MCC: variants seen among roughly 807,000 people sequenced by gnomAD.
MCC encodes the protein colorectal mutant cancer protein.
MCC carries 90 observed loss-of-function variants against 116.2 expected under a neutral mutation model. The ratio of observed to expected loss-of-function variants is 0.77; its 90% CI spans 0.65 to 0.92. The LOEUF (loss-of-function observed/expected upper bound fraction) is 0.92. Among genes scored for constraint, MCC ranks in the 40% least tolerant of loss-of-function variants. MCC has a pLI of 0.00. For synonymous variants in MCC, 578 were observed against 510.5 expected (o/e 1.13, Z -1.78); for missense variants, 1,516 against 1,312.2 (o/e 1.16, Z -2.40).
chr5:113,258,515 T>A (rs1399938352), intron 3 of MCC, among the ~76,000 whole-genome samples: 1 of 152,228 alleles, frequency 6.6e-6, no homozygotes, highest in Non-Finnish European at 1.5e-5. Flanking sequence ...AACCCTATTG[T>A]AAACTGCACT....
intron 3 of MCC, among the ~76,000 whole-genome samples, chr5:113,232,426 G>C (rs796220299): frequency 2.1e-4 from 32 of 152,278 alleles, no homozygotes; most frequent in African/African-American, 7.7e-4. Flanking sequence ...AACAGGCCAT[G>C]TGAGTCAACA....
At chr5:113,370,439 G>A (rs1479221834) in intron 2 of MCC, among the ~76,000 whole-genome samples, 1 of 152,194 alleles carries the variant, frequency 6.6e-6, no homozygotes, top group African/African-American at 2.4e-5. Context: ...ATAATAAGGA[G>A]TATCAGAAGT....
chr5:113,359,118 C>A (rs1768483524), intron 2 of MCC, among the ~76,000 whole-genome samples: 1 of 152,114 alleles, frequency 6.6e-6, no homozygotes, highest in African/African-American at 2.4e-5. Context: ...TGTCTGTCTT[C>A]AGGAAGTGAG....
At chr5:113,062,396 T>C (rs1056828275) in intron 14 of MCC, among the ~76,000 whole-genome samples, 9 of 152,212 alleles carry the variant, frequency 5.9e-5, no homozygotes, top group Non-Finnish European at 1.3e-4. Context: ...TGGTTCTAAA[T>C]TTGTCTCTGA....
intron 1 of MCC, among the ~76,000 whole-genome samples, chr5:113,481,630 T>G (rs1160797887): frequency 1.3e-5 from 2 of 151,996 alleles, no homozygotes; most frequent in Admixed American, 6.6e-5. Context: ...TCCCAGCTAC[T>G]CAGGAGGCTG....
chr5:113,184,452 G>A (rs1389398082), intron 3 of MCC, among the ~76,000 whole-genome samples: 2 of 149,626 alleles, frequency 1.3e-5, no homozygotes, highest in African/African-American at 4.9e-5. Flanking sequence ...TTCCCACATA[G>A]CAATTTAGTT....
intron 2 of MCC, among the ~76,000 whole-genome samples, chr5:113,375,067 A>G (rs1728377078): frequency 6.6e-6 from 1 of 151,656 alleles, no homozygotes; most frequent in African/African-American, 2.4e-5. Flanking sequence ...AACCACAGCT[A>G]TGTACTCCCT....
chr5:113,243,845 TA>T (rs1764475256), intron 3 of MCC, among the ~76,000 whole-genome samples: 1 of 152,242 alleles, frequency 6.6e-6, no homozygotes, highest in Non-Finnish European at 1.5e-5. Flanking sequence ...TGGCAGTTCT[TA>T]GCACACCTAG....
At chr5:113,328,405 A>G (rs1767618877) in intron 3 of MCC, among the ~76,000 whole-genome samples, 1 of 152,232 alleles carries the variant, frequency 6.6e-6, no homozygotes, top group South Asian at 2.1e-4. Flanking sequence ...CAAGTGGGAC[A>G]GGGCTAGGGA....
At chr5:113,333,987 G>A (rs1767810354) in intron 3 of MCC, among the ~76,000 whole-genome samples, 1 of 144,080 alleles carries the variant, frequency 6.9e-6, no homozygotes. Context: ...TTTCTGTTAT[G>A]CACATGGCTT....
chr5:113,064,317 T>C, intron 13 of MCC, 150 bp from the exon 14 acceptor site: 1 of 688,720 alleles, frequency 1.5e-6, no homozygotes, highest in East Asian at 2.7e-5. Context: ...AAGATCTGTG[T>C]TCTGGGCCTG....
intron 3 of MCC, among the ~76,000 whole-genome samples, chr5:113,282,842 A>T (rs987353396): frequency 2.0e-5 from 3 of 152,240 alleles, no homozygotes; most frequent in Non-Finnish European, 4.4e-5. Flanking sequence ...AGAGTTACCT[A>T]ATCTAACAGA....
At chr5:113,412,876 T>C (rs1770032170) in intron 1 of MCC, among the ~76,000 whole-genome samples, 1 of 152,212 alleles carries the variant, frequency 6.6e-6, no homozygotes, top group Non-Finnish European at 1.5e-5. Flanking sequence ...GCTTCCAGGT[T>C]TGTCCATTCA....
intron 3 of MCC, among the ~76,000 whole-genome samples, chr5:113,317,614 A>G (rs149117650): frequency 1.0e-3 from 158 of 152,274 alleles, no homozygotes; most frequent in African/African-American, 3.6e-3. Context: ...AGCTGTCATG[A>G]TGTATGACAC....
At chr5:113,465,941 A>AT (rs200365462) in intron 1 of MCC, among the ~76,000 whole-genome samples, 164 of 143,968 alleles carry the variant, frequency 1.1e-3, no homozygotes, top group Middle Eastern at 7.2e-3. Context: ...ATTAACCCAC[A>AT]TTTTTTTTTT....
At chr5:113,136,982 T>G (rs989444941) in intron 5 of MCC, among the ~76,000 whole-genome samples, 1 of 152,196 alleles carries the variant, frequency 6.6e-6, no homozygotes, top group African/African-American at 2.4e-5. Flanking sequence ...ACTATGATAT[T>G]AGCCATGGGT....
intron 3 of MCC, among the ~76,000 whole-genome samples, chr5:113,168,935 C>A (rs1760920405): frequency 6.6e-6 from 1 of 152,164 alleles, no homozygotes; most frequent in African/African-American, 2.4e-5. Context: ...TCCACCAACT[C>A]TCTTGCAGGC....
intron 3 of MCC, among the ~76,000 whole-genome samples, chr5:113,164,125 A>C (rs1412079728): frequency 6.6e-6 from 1 of 152,172 alleles, no homozygotes; most frequent in Non-Finnish European, 1.5e-5. Flanking sequence ...GGATTTTCCA[A>C]ATCTAGGAGT....
chr5:113,303,995 AC>A (rs1428906265), intron 3 of MCC, among the ~76,000 whole-genome samples: 1 of 152,146 alleles, frequency 6.6e-6, no homozygotes, highest in African/African-American at 2.4e-5. Context: ...AAGCCTTACT[AC>A]TAGTAAACTA....
Sources: allele counts gnomAD v4.1 joint callset (sites outside exome capture counted in the v4.1 genomes callset), GRCh38; gene constraint gnomAD v4.1.1; transcripts MANE v1.5; gene names NCBI Gene and HGNC (gene_info 2026-07-23, HGNC 2026-07-21).